Variants in STX8 observed in about 807,000 individuals in gnomAD.
STX8 encodes syntaxin-8.
In STX8, 23 loss-of-function variants were observed where a neutral mutation model predicts 37.5. The ratio of observed to expected loss-of-function variants is 0.61; its 90% CI spans 0.44 to 0.87. The LOEUF (loss-of-function observed/expected upper bound fraction) is 0.87. Ranked by LOEUF, STX8 falls within the 40% of genes least tolerant of loss-of-function variation. The pLI is 0.00. For missense variants in STX8, 313 were observed against 284.7 expected (o/e 1.10, Z -0.71); for synonymous variants, 115 against 99.1 (o/e 1.16, Z -0.95).
At chr17:9,254,048 T>C (rs1397445534) in intron 7 of STX8, among the ~76,000 whole-genome samples, 1 of 152,100 alleles carries the variant, frequency 6.6e-6, no homozygotes, top group Non-Finnish European at 1.5e-5. Context: ...CTTTTCAGAA[T>C]GTAAAGGAGA....
chr17:9,473,596 T>C (rs1156963864), intron 6 of STX8, among the ~76,000 whole-genome samples: 1 of 152,220 alleles, frequency 6.6e-6, no homozygotes, highest in Non-Finnish European at 1.5e-5. Flanking sequence ...TGTTACGCTA[T>C]ATGGTTTAGA....
At chr17:9,469,443 T>G (rs766923000) in intron 6 of STX8, among the ~76,000 whole-genome samples, 5 of 152,090 alleles carry the variant, frequency 3.3e-5, no homozygotes, top group African/African-American at 7.2e-5. Flanking sequence ...AACTGAGGCC[T>G]GATTACAGTG....
At chr17:9,491,972 A>G (rs766217308) in intron 5 of STX8, 51 bp from the exon 6 acceptor site, 1 of 1,383,994 alleles carries the variant, frequency 7.2e-7, no homozygotes, top group East Asian at 2.3e-5. Context: ...AAAACAACTT[A>G]AAGTCCATAA....
chr17:9,517,904 G>A (rs538857811), intron 4 of STX8, among the ~76,000 whole-genome samples: 29 of 150,910 alleles, frequency 1.9e-4, no homozygotes, highest in African/African-American at 6.6e-4. Flanking sequence ...GCAAAAACAC[G>A]AATGAGTCTC....
chr17:9,452,353 A>G (rs1253899874), intron 6 of STX8: 2 of 135,752 alleles, frequency 1.5e-5, no homozygotes, highest in African/African-American at 5.9e-5. Flanking sequence ...CTTTAATGAA[A>G]TTAGTTACCA....
chr17:9,530,409 T>C (rs952297058), intron 4 of STX8, among the ~76,000 whole-genome samples: 7 of 152,102 alleles, frequency 4.6e-5, no homozygotes, highest in African/African-American at 1.7e-4. Context: ...TCAGCAAATA[T>C]GGTTTTCCAA....
intron 7 of STX8, among the ~76,000 whole-genome samples, chr17:9,325,218 C>A (rs1463820000): frequency 6.6e-6 from 1 of 152,192 alleles, no homozygotes; most frequent in Non-Finnish European, 1.5e-5. Context: ...ATATTTTCAA[C>A]TTAAGATGGG....
In STX8 at chr17:9,385,931, G is replaced by A. The variant is rs957242791; in HGVS notation, c.542-7278C>T. 2.0e-5 allele frequency among the ~76,000 whole-genome samples: 3 copies of A among 152,064 alleles called. 1 individual carries two copies. Among genetic ancestry groups the A allele is most frequent in the Middle Eastern group, 6.3e-3 (2 of 316 alleles). ...GGGATTTACAGGCACGCGCCACTGC[G>A]CCTGTCTAATTTTTGAATTTTTAGT... On this transcript the variant is annotated intron_variant, in intron 6 of 7. Transcript: ENST00000306357.
At chr17:9,423,790 TC>T (rs1189449589) in intron 6 of STX8, among the ~76,000 whole-genome samples, 4 of 152,226 alleles carry the variant, frequency 2.6e-5, no homozygotes, top group Non-Finnish European at 5.9e-5. Context: ...TAGAATTTTT[TC>T]TGCCAGAAAG....
At chr17:9,566,044 T>C (rs549981488) in intron 2 of STX8, among the ~76,000 whole-genome samples, 1 of 152,272 alleles carries the variant, frequency 6.6e-6, no homozygotes, top group Admixed American at 6.5e-5. Context: ...TGAGAAAATA[T>C]TTGCAAGCTA....
At chr17:9,454,677 C>CAA (rs71135986) in intron 6 of STX8, among the ~76,000 whole-genome samples, 1 of 128,928 alleles carries the variant, frequency 7.8e-6, no homozygotes, top group Non-Finnish European at 1.6e-5. Context: ...GAGACTGTCT[C>CAA]AAAAAAAAAA....
chr17:9,417,414 T>C (rs1243193685), intron 6 of STX8, among the ~76,000 whole-genome samples: 2 of 152,154 alleles, frequency 1.3e-5, no homozygotes, highest in Admixed American at 6.5e-5. Context: ...CAGATGCCCG[T>C]TTCCTACTCC....
intron 6 of STX8, among the ~76,000 whole-genome samples, chr17:9,483,941 C>T (rs1396475905): frequency 2.6e-5 from 4 of 152,062 alleles, no homozygotes; most frequent in South Asian, 2.1e-4. Context: ...AAGATATCTC[C>T]GTATGTCTGC....
intron 7 of STX8, among the ~76,000 whole-genome samples, chr17:9,263,787 G>A (rs941637057): frequency 6.6e-6 from 1 of 152,186 alleles, no homozygotes; most frequent in African/African-American, 2.4e-5. Context: ...TATTTTGATA[G>A]TCTCGCTAAT....
intron 6 of STX8, among the ~76,000 whole-genome samples, chr17:9,440,595 G>A (rs996857341): frequency 6.6e-6 from 1 of 151,212 alleles, no homozygotes; most frequent in Non-Finnish European, 1.5e-5. Context: ...TGCGATCTCG[G>A]CTCACTGCAA....
At chr17:9,570,936 T>G (rs1009273395) in intron 1 of STX8, among the ~76,000 whole-genome samples, 3 of 151,904 alleles carry the variant, frequency 2.0e-5, no homozygotes, top group African/African-American at 7.3e-5. Context: ...CTAGACTTAG[T>G]GAAAGACAGG....
chr17:9,560,837 A>C (rs1907205559), intron 2 of STX8, among the ~76,000 whole-genome samples: 1 of 152,116 alleles, frequency 6.6e-6, no homozygotes, highest in South Asian at 2.1e-4. Flanking sequence ...TATAATGTTC[A>C]TAGGGGCCTT....
chr17:9,546,599 T>TTTTG (rs1555536196), intron 3 of STX8, among the ~76,000 whole-genome samples: 2 of 126,192 alleles, frequency 1.6e-5, no homozygotes, highest in Admixed American at 7.9e-5. Context: ...TGGTTTTTTT[T>TTTTG]TTTTTTTTTT....
At chr17:9,324,126 T>TCTCA (rs753293143) in intron 7 of STX8, among the ~76,000 whole-genome samples, 38 of 135,600 alleles carry the variant, frequency 2.8e-4, no homozygotes, top group South Asian at 8.8e-4. Context: ...TCTCTCTCTC[T>TCTCA]CACACACACA....
Sources: allele counts gnomAD v4.1 joint callset (sites outside exome capture counted in the v4.1 genomes callset), GRCh38; gene constraint gnomAD v4.1.1; transcripts MANE v1.5; gene names NCBI Gene and HGNC (gene_info 2026-07-23, HGNC 2026-07-21).